Variants in NOTCH2NLR observed in about 807,000 individuals in gnomAD.
The protein encoded by NOTCH2NLR is notch 2 N-terminal like R (pseudogene).
NOTCH2NLR carries 33 observed loss-of-function variants against 35.6 expected under a neutral mutation model. The observed-to-expected ratio is 0.93, with a 90% CI of 0.70 to 1.24. NOTCH2NLR has a LOEUF of 1.24. NOTCH2NLR is among the 50% of genes most tolerant of loss of function. The pLI, the probability that NOTCH2NLR is intolerant of heterozygous loss-of-function variation, is 0.00. For missense variants in NOTCH2NLR, 276 were observed against 362.2 expected (o/e 0.76, Z 1.93); for synonymous variants, 103 against 141.0 (o/e 0.73, Z 1.91).
rs1651405688 is a variant in NOTCH2NLR, at chr1:120,785,045, G to T, written c.227G>T (p.Gly76Val). Residue 76 changes from glycine to valine, a missense_variant, in exon 3 of 5, where the codon GGT becomes GTT. By Grantham distance (109) the Gly-to-Val change is moderately radical. Coordinates refer to ENST00000624419, the Ensembl canonical transcript of NOTCH2NLR. ...TGTGAGAAGAACCGCTGCCAGAATG[G>T]TGGGACTTGTGTGGCCCAGGCCATG... 33 of 1,445,086 alleles carry T rather than the reference G, an allele frequency of 2.3e-5. 6 individuals are homozygous for T. Among genetic ancestry groups the T allele is most frequent in the Non-Finnish European group, 2.9e-5 (31 of 1,081,564 alleles). The allele number at this position is 1,445,086 out of a possible 1,614,324, so 89.5% of individuals were successfully genotyped here. A position where few individuals can be genotyped will look rare whatever the true frequency, so the allele number is the denominator to read the frequency against.
At position 120,723,947 on chromosome 1, in the gene NOTCH2NLR, C is replaced by A. The variant is rs1217657693; in HGVS notation, c.-231C>A. 24 of 779,346 alleles carry A rather than the reference C, an allele frequency of 3.1e-5. 5 individuals are homozygous for A. Among genetic ancestry groups the A allele is most frequent in the Non-Finnish European group, 4.0e-5 (23 of 574,110 alleles). The allele number at this position is 779,346 out of a possible 1,614,324, so 48.3% of individuals were successfully genotyped here. On this transcript the variant is annotated 5_prime_UTR_variant, in exon 1 of 5. Transcript: ENST00000624419. ...CGCTGCACACCCGAGAAAGTTTCAG[C>A]CAAACTTCCGGCGGCGGCTGAGGCG...
At position 120,770,470 on chromosome 1, in the gene NOTCH2NLR, A is replaced by G. The variant is rs1651250437; in HGVS notation, c.155+6761A>G. On this transcript the variant is annotated intron_variant, in intron 2 of 4. Coordinates refer to ENST00000624419, the Ensembl canonical transcript of NOTCH2NLR. Reference sequence around the variant, plus strand: ...AGGCGTGAGCCACCACACCCAGCCGAGGACATAGGTTTTTTTATGCCAGAT... The same window carrying G: ...AGGCGTGAGCCACCACACCCAGCCGGGGACATAGGTTTTTTTATGCCAGAT... 2.6e-5 allele frequency among the ~76,000 whole-genome samples: 3 copies of G among 113,806 alleles called. 1 individual carries two copies. The highest frequency in any genetic ancestry group is 1.7e-5 in the Non-Finnish European group (1 of 60,326). 74.7% of individuals were successfully genotyped at this position (113,806 alleles called of 152,430 possible).
intron 2 of NOTCH2NLR, among the ~76,000 whole-genome samples, chr1:120,781,857 T>C (rs1387990905): frequency 0.029 from 3,299 of 115,712 alleles, 505 homozygotes; most frequent in African/African-American, 0.11. Context: ...CGCACCTGGC[T>C]TAGCTGTAAA....
chr1:120,781,731 T>C (rs1425130936), intron 2 of NOTCH2NLR, among the ~76,000 whole-genome samples: 1 of 108,120 alleles, frequency 9.2e-6, no homozygotes, highest in Non-Finnish European at 1.8e-5. Context: ...GCCTGGCTAA[T>C]TTTTTATATT....
chr1:120,789,994 G>A (rs1211535349), intron 3 of NOTCH2NLR, among the ~76,000 whole-genome samples: 2 of 80,820 alleles, frequency 2.5e-5, no homozygotes, highest in Non-Finnish European at 4.3e-5. Context: ...GGTGTGTTCT[G>A]CAAGATTCTG....
At chr1:120,767,720 T>C (rs1651209482) in intron 2 of NOTCH2NLR, among the ~76,000 whole-genome samples, 1 of 115,684 alleles carries the variant, frequency 8.6e-6, no homozygotes. Context: ...ATGTCATTAA[T>C]CACTTTCAAG....
intron 2 of NOTCH2NLR, among the ~76,000 whole-genome samples, chr1:120,769,614 C>G (rs1307290194): frequency 8.2e-6 from 1 of 121,862 alleles, no homozygotes; most frequent in African/African-American, 4.2e-5. Flanking sequence ...ATAGAGTAAT[C>G]TTTTCTTAAA....
chr1:120,770,110 G>C (rs1196131944), intron 2 of NOTCH2NLR, among the ~76,000 whole-genome samples: 5 of 107,536 alleles, frequency 4.6e-5, no homozygotes, highest in Non-Finnish European at 7.7e-5. Context: ...GCCTGCACTG[G>C]TGAGTGGAGT....
rs1172005215 is a variant in NOTCH2NLR, at chr1:120,724,074, G to A, written c.-104G>A. 1.1e-5 allele frequency: 14 copies of A among 1,305,236 alleles called. 3 individuals are homozygous for A. The highest frequency in any genetic ancestry group is 9.3e-5 in the Admixed American group (3 of 32,104). 80.9% of individuals were successfully genotyped at this position (1,305,236 alleles called of 1,614,324 possible). ...CCTGAGCCTTTGAAGCAGGAGGAGG[G>A]GAGGAGAGAGTGGGGCTCCTCTATC... On this transcript the variant is annotated 5_prime_UTR_variant, in exon 1 of 5. Coordinates refer to ENST00000624419, the Ensembl canonical transcript of NOTCH2NLR.
chr1:120,785,003 G>T, exon 3 of NOTCH2NLR: 1 of 1,422,496 alleles, frequency 7.0e-7, no homozygotes, highest in Non-Finnish European at 9.4e-7. Flanking sequence ...GGGGAATATT[G>T]TCAACATCGA....
In NOTCH2NLR at chr1:120,791,402, G is replaced by A. The variant is rs1391845600; in HGVS notation, c.416-1759G>A. Among the ~76,000 whole-genome samples, 16 of 108,512 alleles carry A rather than the reference G, an allele frequency of 1.5e-4. 3 individuals carry two copies. The highest frequency in any genetic ancestry group is 7.9e-4 in the South Asian group (3 of 3,782). The allele number at this position is 108,512 out of a possible 152,430, so 71.2% of individuals were successfully genotyped here. On this transcript the variant is annotated intron_variant, in intron 3 of 4. Transcript: ENST00000624419. ...GCAAAGAGTTGGAACCAGCCCAAAT[G>A]TCCATCAATGATAGACTGGATTAAG... is the stretch of plus-strand genomic sequence containing the variant.
Position 120,785,089 on chromosome 1 carries a change from C to T in NOTCH2NLR, c.271C>T (p.Arg91Trp), listed in dbSNP as rs1485122383. 156 of 1,446,014 alleles carry T rather than the reference C, an allele frequency of 1.1e-4. 32 individuals are homozygous for T. The highest frequency in any genetic ancestry group is 8.2e-4 in the East Asian group (35 of 42,894). The allele number at this position is 1,446,014 out of a possible 1,614,324, so 89.6% of individuals were successfully genotyped here. A position where few individuals can be genotyped will look rare whatever the true frequency, so the allele number is the denominator to read the frequency against. The change falls in exon 3 of 5, where the codon CGG becomes TGG. Residue 91 changes from arginine (R) to tryptophan (W), a missense_variant. By Grantham distance (101) the Arg-to-Trp change is moderately radical. Coordinates refer to ENST00000624419, the Ensembl canonical transcript of NOTCH2NLR. The stretch of plus-strand genomic sequence containing the variant: ...GGCCATGCTGGGGAAAGCCACGTGC[C>T]GGTGTGCCTCAGGGTTTACAGGAGA...
At chr1:120,769,256 T>TTGTGG (rs1224813433) in intron 2 of NOTCH2NLR, among the ~76,000 whole-genome samples, 2 of 151,706 alleles carry the variant, frequency 1.3e-5, no homozygotes, top group Non-Finnish European at 2.9e-5. Flanking sequence ...AATGGTTCTG[T>TTGTGG]TGTGGTGCTT....
chr1:120,793,398 G>C, exon 4 of NOTCH2NLR: 11 of 1,440,246 alleles, frequency 7.6e-6, no homozygotes, highest in South Asian at 2.4e-5. Flanking sequence ...GGCCAGTACT[G>C]TGACAGACTG....
chr1:120,759,743 G>A lies in NOTCH2NLR; in HGVS notation c.74-3885G>A, dbSNP rs1428400229. On this transcript the variant is annotated intron_variant, in intron 1 of 4. Coordinates refer to ENST00000624419, the Ensembl canonical transcript of NOTCH2NLR. ...CAATTTATAGTTGTATACATTTATA[G>A]GGTACAAAGTGATGTTATAATTTGC... Among the ~76,000 whole-genome samples, 8 of 113,342 alleles carry A rather than the reference G, an allele frequency of 7.1e-5. 1 individual carries two copies. The highest frequency in any genetic ancestry group is 3.4e-4 in the Admixed American group (4 of 11,746). 74.4% of individuals were successfully genotyped at this position (113,342 alleles called of 152,430 possible).
chr1:120,759,069 G>C (rs1412859890), intron 1 of NOTCH2NLR, among the ~76,000 whole-genome samples: 1 of 95,868 alleles, frequency 1.0e-5, no homozygotes, highest in Non-Finnish European at 1.9e-5. Context: ...AGTTTATTCT[G>C]TATACTACGG....
chr1:120,724,465 C>T lies in NOTCH2NLR; in HGVS notation c.73+215C>T, dbSNP rs1308170067. Reference sequence around the variant, plus strand: ...TGGGGTTCCCCGCCGCCTCTGCTCCCCGCGGCCCGGGACCCCTCACACGCC... The same window carrying T: ...TGGGGTTCCCCGCCGCCTCTGCTCCTCGCGGCCCGGGACCCCTCACACGCC... On this transcript the variant is annotated intron_variant, in intron 1 of 4. Transcript: ENST00000624419. 8.6e-4 allele frequency among the ~76,000 whole-genome samples: 104 copies of T among 121,458 alleles called. 31 individuals are homozygous for T. Among genetic ancestry groups the T allele is most frequent in the African/African-American group, 4.4e-3 (99 of 22,406 alleles). 79.7% of individuals were successfully genotyped at this position (121,458 alleles called of 152,430 possible).
chr1:120,784,143 A>G lies in NOTCH2NLR; in HGVS notation c.156-831A>G, dbSNP rs1651396288. On this transcript the variant is annotated intron_variant, in intron 2 of 4. Transcript: ENST00000624419. ...AGTGTGGGTTAAAAGAGACTTGTAT[A>G]TCTTCTAAGGTAAAAGTAAAGAACT... Among the ~76,000 whole-genome samples the G allele has an allele frequency of 1.7e-5, 2 of 118,152 alleles. 1 individual carries two copies. The highest frequency in any genetic ancestry group is 1.6e-4 in the Admixed American group (2 of 12,466). The allele number at this position is 118,152 out of a possible 152,430, so 77.5% of individuals were successfully genotyped here.
At chr1:120,763,975 A>AT (rs1651161087) in intron 2 of NOTCH2NLR, among the ~76,000 whole-genome samples, 1 of 113,740 alleles carries the variant, frequency 8.8e-6, no homozygotes, top group East Asian at 2.1e-4. Context: ...TAGACCAGGC[A>AT]TGGTGGCTCA....
Sources: gnomAD v4.1 joint callset for allele counts (sites outside exome capture counted in the v4.1 genomes callset) on GRCh38, gnomAD v4.1.1 for gene constraint, MANE v1.5 for transcripts, NCBI Gene and HGNC (gene_info 2026-07-23, HGNC 2026-07-21) for gene names.